PCF11: variants seen among roughly 807,000 people sequenced by gnomAD.
PCF11 encodes PCF11 cleavage and polyadenylation factor subunit.
PCF11 carries 19 observed loss-of-function variants against 166.1 expected under a neutral mutation model. That is an observed-to-expected ratio of 0.11 (90% CI 0.08 to 0.17). The LOEUF (loss-of-function observed/expected upper bound fraction) is 0.17, where lower values mean the gene tolerates loss of function less well. Ranked by LOEUF, PCF11 falls within the 10% of genes least tolerant of loss-of-function variation. The pLI, the probability that PCF11 is intolerant of heterozygous loss-of-function variation, is 1.00. For missense variants in PCF11, 1,565 were observed against 1,855.5 expected (o/e 0.84, Z 2.88); for synonymous variants, 663 against 644.1 (o/e 1.03, Z -0.44).
chr11:83,185,030 G>A (rs1590943647), exon 16 of PCF11: 1 of 575,984 alleles, frequency 1.7e-6, no homozygotes, highest in Non-Finnish European at 3.0e-6. Flanking sequence ...CTATCATTTG[G>A]TTAATAAATA....
intron 1 of PCF11, 186 bp downstream of exon 1, chr11:83,157,817 G>A: frequency 1.6e-6 from 1 of 610,100 alleles, no homozygotes; most frequent in South Asian, 2.0e-5. Flanking sequence ...GGGGGAGGGA[G>A]TGGGGAGGAT....
intron 10 of PCF11, 41 bp from the exon 11 acceptor site, chr11:83,177,673 G>A (rs1264019666): frequency 5.9e-6 from 6 of 1,009,358 alleles, no homozygotes; most frequent in African/African-American, 1.6e-5. Flanking sequence ...AATACATGGA[G>A]AATGGTATTA....
At chr11:83,175,469 T>G (rs1267149850) in intron 9 of PCF11, among the ~76,000 whole-genome samples, 3 of 149,596 alleles carry the variant, frequency 2.0e-5, no homozygotes, top group African/African-American at 7.4e-5. Context: ...ATCACAATTA[T>G]GGCCGGGCAC....
In PCF11 at chr11:83,157,771, C is replaced by G. The variant is rs922713125; in HGVS notation, c.192+140C>G. 1.9e-4 allele frequency: 145 copies of G among 748,610 alleles called. 1 individual carries two copies. In the East Asian group the frequency reaches 3.6e-3, roughly 19 times the overall value. 46.4% of individuals were successfully genotyped at this position (748,610 alleles called of 1,614,324 possible). On this transcript the variant is annotated intron_variant, in intron 1 of 15. Transcript: ENST00000298281. ...CCCCCACCCCCCTCCAACTCAGGCT[C>G]GGTCTTTGGCCCAGGCTTCGAGCAT...
At position 83,167,129 on chromosome 11, in the gene PCF11, C is replaced by A. The variant is rs1245695837; in HGVS notation, c.1822C>A (p.Gln608Lys). The A allele has an allele frequency of 1.2e-6, 2 of 1,609,702 alleles. No homozygotes were observed. Among genetic ancestry groups the A allele is most frequent in the East Asian group, 2.2e-5 (1 of 44,806 alleles). The change falls in exon 6 of 16, where the codon CAA (glutamine) becomes AAA (lysine). Residue 608 changes from glutamine to lysine, a missense_variant. Gln to Lys is a moderately conservative substitution (Grantham distance 53). Transcript: ENST00000298281. This position sits in a 1 kb window ranked among gnomAD's most constrained non-coding sequence, Gnocchi z 4.2. ...ATACTGCTTTTATGGTTTCAGCTTA[C>A]AACAGGTTGATGAACATAGTAAACC...
At chr11:83,168,792 G>C in exon 8 of PCF11, 1 of 1,613,684 alleles carries the variant, frequency 6.2e-7, no homozygotes, top group East Asian at 2.2e-5. Flanking sequence ...GGTGTCCTTT[G>C]AGATTTGAAG....
chr11:83,183,194 T>A (rs1275412150), intron 15 of PCF11, 121 bp downstream of exon 15: 1 of 572,668 alleles, frequency 1.7e-6, no homozygotes, highest in African/African-American at 2.0e-5. Context: ...ACTGTTTTTG[T>A]TTTTTGATAT....
At chr11:83,183,786 G>A (rs1223056545) in intron 15 of PCF11, among the ~76,000 whole-genome samples, 4 of 151,790 alleles carry the variant, frequency 2.6e-5, no homozygotes, top group African/African-American at 7.3e-5. Flanking sequence ...CACCGTGCTC[G>A]GCCAAAATAG....
At position 83,157,293 on chromosome 11, in the gene PCF11, T is replaced by C. The variant is rs543637932; in HGVS notation, c.-147T>C. The C allele has an allele frequency of 1.2e-4, 84 of 684,034 alleles. No homozygotes were observed. The African/African-American group carries it at 1.4e-3, about 11-fold the overall frequency. The allele number at this position is 684,034 out of a possible 1,614,324, so 42.4% of individuals were successfully genotyped here. Reference sequence around the variant, plus strand: ...CATACCCGAGGTTCCCCCTGTGTCGTCCCCCATCCCCCCTCCGCGGTCAGC... The same window carrying C: ...CATACCCGAGGTTCCCCCTGTGTCGCCCCCCATCCCCCCTCCGCGGTCAGC... On this transcript the variant is annotated 5_prime_UTR_variant, in exon 1 of 16. Transcript: ENST00000298281.
chr11:83,185,711 CT>C (rs1283382855), exon 16 of PCF11: 1 of 152,404 alleles, frequency 6.6e-6, no homozygotes, highest in Non-Finnish European at 1.5e-5. Flanking sequence ...ATATGGTTAA[CT>C]TTTTTCTTTT....
At chr11:83,173,719 CTTTTTTTTTT>C (rs869126679) in intron 9 of PCF11, among the ~76,000 whole-genome samples, 2 of 59,070 alleles carry the variant, frequency 3.4e-5, no homozygotes, top group Non-Finnish European at 6.1e-5. Context: ...TTCTTTCTTT[CTTTTTTTTTT>C]TTTTTTTTTT....
At chr11:83,160,835 G>C (rs553729359) in intron 1 of PCF11, among the ~76,000 whole-genome samples, 63 of 152,222 alleles carry the variant, frequency 4.1e-4, no homozygotes, top group Non-Finnish European at 8.1e-4. Context: ...GGATTATAGA[G>C]AAGTAATCCT....
chr11:83,184,490 A>G (rs1170999121), intron 15 of PCF11, 189 bp from the exon 16 acceptor site: 5 of 564,840 alleles, frequency 8.9e-6, no homozygotes, highest in Non-Finnish European at 1.5e-5. Flanking sequence ...CTGAGTACAT[A>G]TTGAACGTGC....
intron 1 of PCF11, among the ~76,000 whole-genome samples, chr11:83,160,321 G>GTTTTTTTTTTTTTTTTTTTTGTTTTTT (rs1860186453): frequency 1.1e-5 from 1 of 91,268 alleles, no homozygotes; most frequent in African/African-American, 4.3e-5. Context: ...GATAACCTAA[G>GTTTTTTTTTTTTTTTTTTTTGTTTTTT]TTTTTTTTTT....
chr11:83,163,195 A>G (rs899215565), intron 2 of PCF11, among the ~76,000 whole-genome samples: 2 of 152,250 alleles, frequency 1.3e-5, no homozygotes, highest in African/African-American at 4.8e-5. Context: ...CCACACCACA[A>G]TATCTTGTTC....
In PCF11 at chr11:83,167,074, G is replaced by T. The variant is rs1024979980; in HGVS notation, c.1818-51G>T. The T allele has an allele frequency of 1.8e-5, 25 of 1,401,722 alleles. No homozygotes were observed. Among genetic ancestry groups the T allele is most frequent in the Non-Finnish European group, 2.5e-5 (25 of 1,012,904 alleles). 86.8% of individuals were successfully genotyped at this position (1,401,722 alleles called of 1,614,324 possible). Reference sequence around the variant, plus strand: ...AAAGAATCTTTAAATATGGTCCTGAGTATTTTTTAAAAAAACATTTCAATG... The same window carrying T: ...AAAGAATCTTTAAATATGGTCCTGATTATTTTTTAAAAAAACATTTCAATG... On this transcript the variant is annotated intron_variant, in intron 5 of 15. Transcript: ENST00000298281. This position sits in a 1 kb window ranked among gnomAD's most constrained non-coding sequence, Gnocchi z 4.2.
chr11:83,177,973 T>G (rs537946522), intron 11 of PCF11, among the ~76,000 whole-genome samples, 154 bp downstream of exon 11: 1 of 150,568 alleles, frequency 6.6e-6, no homozygotes, highest in East Asian at 2.0e-4. Flanking sequence ...TGTGGTAAAA[T>G]ATACATAACA....
chr11:83,177,585 A>T (rs1860930572), intron 10 of PCF11, 129 bp from the exon 11 acceptor site: 1 of 445,898 alleles, frequency 2.2e-6, no homozygotes, highest in Non-Finnish European at 4.0e-6. Context: ...TTGGCCAGTA[A>T]ACTTGAGATC....
chr11:83,167,516 A>T lies in PCF11; in HGVS notation c.2092+11A>T. 6.2e-7 allele frequency: 1 copy of T among 1,610,446 alleles called. No individual in the cohort carries two copies. The highest frequency in any genetic ancestry group is 8.5e-7 in the Non-Finnish European group (1 of 1,178,228). ...TTCAGTATCAAGAAGGTAAACATAG[A>T]TGCAATGTACGGGATAGTCCTACAG... On this transcript the variant is annotated intron_variant, in intron 7 of 15. Coordinates refer to ENST00000298281, the Ensembl canonical transcript of PCF11. The surrounding 1 kb of genome is among the most constrained non-coding windows in gnomAD (Gnocchi z 4.2).
Sources: gnomAD v4.1 joint callset for allele counts (sites outside exome capture counted in the v4.1 genomes callset) on GRCh38, gnomAD v4.1.1 for gene constraint, Gnocchi (gnomAD v3.1) non-coding constraint, MANE v1.5 for transcripts, NCBI Gene and HGNC (gene_info 2026-07-23, HGNC 2026-07-21) for gene names.